The following ESR2 variants were observed in gnomAD, a reference collection of about 807,000 sequenced individuals.
The protein encoded by ESR2 is estrogen receptor beta.
A neutral mutation model predicts 49.6 loss-of-function variants in ESR2; 36 were observed. The observed-to-expected ratio is 0.73, with a 90% CI of 0.56 to 0.96. The LOEUF (loss-of-function observed/expected upper bound fraction) is 0.96. Among genes scored for constraint, ESR2 ranks in the 40% least tolerant of loss-of-function variants. ESR2 has a pLI of 0.00. For synonymous variants in ESR2, 320 were observed against 266.1 expected (o/e 1.20, Z -1.97); for missense variants, 714 against 693.0 (o/e 1.03, Z -0.34).
At chr14:64,310,286 A>AAAAAAT (rs1555595498) in intron 1 of ESR2, among the ~76,000 whole-genome samples, 11 of 142,468 alleles carry the variant, frequency 7.7e-5, no homozygotes, top group South Asian at 4.4e-4. Flanking sequence ...TCGTCTCAAA[A>AAAAAAT]AATAATAATA....
At chr14:64,301,350 A>T (rs1007594363) in intron 1 of ESR2, 1 of 152,020 alleles carries the variant, frequency 6.6e-6, no homozygotes, top group Non-Finnish European at 1.5e-5. Flanking sequence ...AGTTACAGTA[A>T]CTCCCAGAGC....
In ESR2 at chr14:64,241,145, C is replaced by CAA. The variant is rs56347632; in HGVS notation, c.1226-5997_1226-5996dup. Among the ~76,000 whole-genome samples the CAA allele has an allele frequency of 2.0e-3, 195 of 95,168 alleles. 1 individual carries two copies. Among genetic ancestry groups the CAA allele is most frequent in the East Asian group, 3.4e-3 (7 of 2,040 alleles). 62.4% of individuals were successfully genotyped at this position (95,168 alleles called of 152,430 possible). A position where few individuals can be genotyped will look rare whatever the true frequency, so the allele number is the denominator to read the frequency against. On this transcript the variant is annotated intron_variant, in intron 7 of 8. Coordinates refer to ENST00000341099, the MANE Select transcript of ESR2 (RefSeq NM_001437.3). The stretch of plus-strand genomic sequence containing the variant: ...TGGGCCACAGAGCGAGACTCCGTCT[C>CAA]AAAAAAAAAAAAAAAAAAAAAAAAA...
intron 7 of ESR2, among the ~76,000 whole-genome samples, chr14:64,239,664 C>T (rs1483980198): frequency 1.5e-4 from 23 of 152,158 alleles, no homozygotes. Flanking sequence ...ATGACACTTG[C>T]ATAACACCTT....
chr14:64,277,111 A>G (rs1469477507), intron 3 of ESR2, among the ~76,000 whole-genome samples: 1 of 152,158 alleles, frequency 6.6e-6, no homozygotes, highest in Non-Finnish European at 1.5e-5. Context: ...CCTTCTCCCT[A>G]TGTCCTCCTT....
In ESR2 at chr14:64,229,110, G is replaced by A. The variant is rs1385042060; in HGVS notation, c.*4027C>T. ...CCACTAGAGCTCATGAACCTGAGATGGGACAATGGGAATAACAGATTATGC... is the reference window on the plus strand; with the variant it reads ...CCACTAGAGCTCATGAACCTGAGATAGGACAATGGGAATAACAGATTATGC... On this transcript the variant is annotated 3_prime_UTR_variant, in exon 9 of 9. Coordinates refer to ENST00000341099, the MANE Select transcript of ESR2 (RefSeq NM_001437.3). Among the ~76,000 whole-genome samples the A allele has an allele frequency of 6.6e-6, 1 of 152,208 alleles. No individual in the cohort carries two copies. The highest frequency in any genetic ancestry group is 2.1e-4 in the South Asian group (1 of 4,816).
intron 7 of ESR2, among the ~76,000 whole-genome samples, chr14:64,248,505 CAAAAAAAAAAAA>C (rs56108535): frequency 1.1e-5 from 1 of 87,266 alleles, no homozygotes; most frequent in Non-Finnish European, 2.2e-5. Flanking sequence ...GATCCTGTCT[CAAAAAAAAAAAA>C]AAAAAGAAAA....
chr14:64,226,781 T>G (rs1449989402), downstream of ESR2: 1 of 150,736 alleles, frequency 6.6e-6, no homozygotes, highest in Non-Finnish European at 1.5e-5. Context: ...ACCTTTGCCT[T>G]CCAGGTTCAA....
At chr14:64,299,157 A>T (rs1242862950), upstream of ESR2, among the ~76,000 whole-genome samples, 2 of 147,118 alleles carry the variant, frequency 1.4e-5, no homozygotes, top group Non-Finnish European at 3.0e-5. Context: ...AAATGAGATA[A>T]AAAAAAAAAA....
chr14:64,248,292 G>A (rs1313385222), intron 7 of ESR2, among the ~76,000 whole-genome samples: 1 of 151,924 alleles, frequency 6.6e-6, no homozygotes, highest in Non-Finnish European at 1.5e-5. Context: ...ACTGCTTGAG[G>A]CCAGGAGTTC....
rs148611643 is a variant in ESR2 at position 64,278,235 on chromosome 14, T to A, written c.535+1746A>T. 5.7e-3 allele frequency among the ~76,000 whole-genome samples: 864 copies of A among 152,334 alleles called. 11 individuals are homozygous for A. Among genetic ancestry groups the A allele is most frequent in the African/African-American group, 0.02 (837 of 41,576 alleles). On this transcript the variant is annotated intron_variant, in intron 3 of 8. Transcript: ENST00000341099. ...ATGTTTTCATATAATCAACCTTATT[T>A]CATCTTTAGAAAATCCCTATGAGTA...
intron 3 of ESR2, among the ~76,000 whole-genome samples, chr14:64,279,779 A>C (rs1025019043): frequency 6.6e-6 from 1 of 152,206 alleles, no homozygotes; most frequent in South Asian, 2.1e-4. Flanking sequence ...TTGGCTGTAT[A>C]ATCTTGGGGT....
At chr14:64,260,405 C>G in intron 5 of ESR2, 44 bp downstream of exon 5, 1 of 1,507,606 alleles carries the variant, frequency 6.6e-7, no homozygotes, top group Non-Finnish European at 8.9e-7. Flanking sequence ...TAGCGGCCGG[C>G]CTTTCTACAA....
chr14:64,249,409 A>G, intron 7 of ESR2, 137 bp downstream of exon 7: 1 of 1,013,790 alleles, frequency 9.9e-7, no homozygotes, highest in Non-Finnish European at 1.4e-6. Context: ...CGCTATCAAA[A>G]TAAAAACGAA....
chr14:64,260,322 T>A, intron 5 of ESR2, 127 bp downstream of exon 5: 1 of 958,962 alleles, frequency 1.0e-6, no homozygotes, highest in Non-Finnish European at 1.7e-6. Flanking sequence ...AAGTTACAAA[T>A]CCAGCTGAGG....
intron 1 of ESR2, among the ~76,000 whole-genome samples, chr14:64,317,937 T>C (rs975553810): frequency 2.0e-5 from 3 of 152,150 alleles, no homozygotes; most frequent in Non-Finnish European, 2.9e-5. Flanking sequence ...CCCTCTAAGA[T>C]TGAAAACAGG....
intron 1 of ESR2, among the ~76,000 whole-genome samples, chr14:64,285,645 T>C (rs1461601623): frequency 1.3e-5 from 2 of 151,962 alleles, no homozygotes. Flanking sequence ...CTGGCCAAGA[T>C]GGTGAAACAC....
chr14:64,332,008 T>C (rs1433241038), intron 1 of ESR2, among the ~76,000 whole-genome samples: 5 of 152,146 alleles, frequency 3.3e-5, no homozygotes, highest in Non-Finnish European at 7.4e-5. Context: ...GTAGTCTTAT[T>C]TGAAACTGTG....
chr14:64,235,765 C>A lies in ESR2; in HGVS notation c.1226-615G>T, dbSNP rs192361254. On this transcript the variant is annotated intron_variant, in intron 7 of 8. Coordinates refer to ENST00000341099, the MANE Select transcript of ESR2 (RefSeq NM_001437.3). ...GAGCTCTCTGAGCCTCAGTTCCTCA[C>A]TGAGCAACGCATGCAGGAACACATC... Among the ~76,000 whole-genome samples the A allele has an allele frequency of 4.6e-5, 7 of 152,312 alleles. No individual in the cohort carries two copies. In the East Asian group the frequency reaches 1.4e-3, roughly 29 times the overall value.
chr14:64,275,067 T>C (rs1268360839), intron 3 of ESR2, among the ~76,000 whole-genome samples: 1 of 152,224 alleles, frequency 6.6e-6, no homozygotes, highest in Non-Finnish European at 1.5e-5. Flanking sequence ...AATGTGTATG[T>C]TGCAGCCACT....
Sources: gnomAD v4.1 joint callset for allele counts (sites outside exome capture counted in the v4.1 genomes callset) on GRCh38, gnomAD v4.1.1 for gene constraint, MANE v1.5 for transcripts, NCBI Gene and HGNC (gene_info 2026-07-23, HGNC 2026-07-21) for gene names.